ITPR2: variants seen among roughly 807,000 people sequenced by gnomAD.
The protein encoded by ITPR2 is inositol 1,4,5-trisphosphate receptor type 2.
In ITPR2, 207 loss-of-function variants were observed where a neutral mutation model predicts 317.1. The observed-to-expected ratio is 0.65, with a 90% CI of 0.58 to 0.73. ITPR2 has a LOEUF of 0.73. ITPR2 is among the 30% of genes least tolerant of loss of function. The pLI is 0.00. For synonymous variants in ITPR2, 1,156 were observed against 1,149.1 expected, an observed-to-expected ratio of 1.01 and a Z score of -0.12; for missense variants, 2,613 against 3,284.0, an observed-to-expected ratio of 0.80 and a Z score of 4.99.
At chr12:26,728,545 TG>T (rs576479487) in intron 2 of ITPR2, among the ~76,000 whole-genome samples, 265 of 152,264 alleles carry the variant, frequency 1.7e-3, no homozygotes, top group African/African-American at 5.9e-3. Context: ...GGAGAGAAGG[TG>T]GGGCACACAC....
intron 34 of ITPR2, among the ~76,000 whole-genome samples, chr12:26,568,031 T>TAA (rs1421568861): frequency 7.7e-6 from 1 of 129,916 alleles, no homozygotes; most frequent in African/African-American, 3.0e-5. Context: ...TATATATATA[T>TAA]AAAATGTCAA....
chr12:26,368,809 A>T (rs1339219163), intron 55 of ITPR2, among the ~76,000 whole-genome samples: 1 of 152,266 alleles, frequency 6.6e-6, no homozygotes, highest in Non-Finnish European at 1.5e-5. Flanking sequence ...TGAAAAAAAC[A>T]AAGTTGTTGC....
intron 34 of ITPR2, among the ~76,000 whole-genome samples, chr12:26,573,563 C>T (rs1309856734): frequency 6.6e-6 from 1 of 152,024 alleles, no homozygotes; most frequent in African/African-American, 2.4e-5. Flanking sequence ...TGATAAGGAG[C>T]AGGAAGAAGC....
At chr12:26,823,746 A>ATATAATAGCTAC (rs556877007) in intron 1 of ITPR2, among the ~76,000 whole-genome samples, 1,861 of 152,332 alleles carry the variant, frequency 0.012, 38 homozygotes, top group African/African-American at 0.043. Context: ...GGTATAAACT[A>ATATAATAGCTAC]TGGTAACCCA....
intron 15 of ITPR2, 32 bp downstream of exon 15, chr12:26,663,653 G>A (rs773352862): frequency 3.8e-6 from 6 of 1,572,844 alleles, no homozygotes; most frequent in Non-Finnish European, 5.2e-6. Context: ...CTTTACATAT[G>A]AAACAGTTTA....
chr12:26,358,594 A>G (rs528666901), intron 55 of ITPR2, among the ~76,000 whole-genome samples: 1 of 152,008 alleles, frequency 6.6e-6, no homozygotes, highest in Non-Finnish European at 1.5e-5. Flanking sequence ...ACTTATTCTC[A>G]TATGTTCTAC....
At chr12:26,686,905 G>A (rs1317650843) in intron 10 of ITPR2, among the ~76,000 whole-genome samples, 1 of 152,014 alleles carries the variant, frequency 6.6e-6, no homozygotes, top group Non-Finnish European at 1.5e-5. Context: ...CCCTTCCCTC[G>A]TTCTCTTAAA....
intron 55 of ITPR2, among the ~76,000 whole-genome samples, chr12:26,382,678 A>AC (rs36030472): frequency 0.075 from 11,289 of 150,566 alleles, 566 homozygotes; most frequent in South Asian, 0.13. Flanking sequence ...CACACACACA[A>AC]AAAAAAAGAA....
chr12:26,376,999 G>C lies in ITPR2; in HGVS notation c.7857+10435C>G, dbSNP rs9943757. 1.4e-3 allele frequency among the ~76,000 whole-genome samples: 216 copies of C among 152,250 alleles called. 1 individual carries two copies. The highest frequency in any genetic ancestry group is 4.9e-3 in the African/African-American group (205 of 41,532). On this transcript the variant is annotated intron_variant, in intron 55 of 56. Transcript: ENST00000381340. ...CTGTCCCAGCCTCCCAAAGTGCTGG[G>C]ATTACAGGCATGAGCCACCATGCCC... is the stretch of plus-strand genomic sequence containing the variant.
chr12:26,732,654 A>G (rs1949045770), intron 2 of ITPR2, among the ~76,000 whole-genome samples: 1 of 152,198 alleles, frequency 6.6e-6, no homozygotes, highest in Non-Finnish European at 1.5e-5. Context: ...TGAGGAATTG[A>G]GATGAAATAT....
rs1329426527 is a variant in ITPR2 at position 26,487,059 on chromosome 12, C to T, written c.5554+9G>A. 9.3e-6 allele frequency: 15 copies of T among 1,608,856 alleles called. No homozygotes were observed. The highest frequency in any genetic ancestry group is 1.2e-5 in the Non-Finnish European group (14 of 1,175,978). ...CTCTGTTCTCCCAAATACTCAAATA[C>T]TTCTTTACCTCTCATTCGTGGACCA... is the stretch of plus-strand genomic sequence containing the variant. On this transcript the variant is annotated intron_variant, in intron 40 of 56. Coordinates refer to ENST00000381340, the MANE Select transcript of ITPR2 (RefSeq NM_002223.4).
intron 41 of ITPR2, among the ~76,000 whole-genome samples, chr12:26,484,812 C>T (rs142013694): frequency 0.056 from 8,463 of 152,146 alleles, 354 homozygotes; most frequent in Non-Finnish European, 0.085. Context: ...CCCGGGTTCA[C>T]GCCATTCTCC....
At chr12:26,525,119 G>T (rs1943775899) in intron 37 of ITPR2, among the ~76,000 whole-genome samples, 1 of 152,140 alleles carries the variant, frequency 6.6e-6, no homozygotes, top group Admixed American at 6.5e-5. Flanking sequence ...CAGGGAAGAG[G>T]CAGGATAAAG....
chr12:26,446,594 A>T (rs1941613584), intron 45 of ITPR2, among the ~76,000 whole-genome samples: 1 of 152,060 alleles, frequency 6.6e-6, no homozygotes, highest in African/African-American at 2.4e-5. Flanking sequence ...AAACCTATAC[A>T]AATCATTTTC....
chr12:26,683,827 TTTG>T (rs1948080578), intron 11 of ITPR2, among the ~76,000 whole-genome samples: 1 of 152,238 alleles, frequency 6.6e-6, no homozygotes, highest in Admixed American at 6.5e-5. Flanking sequence ...TTTATAATCT[TTTG>T]TTATTTCTTT....
intron 55 of ITPR2, among the ~76,000 whole-genome samples, chr12:26,344,377 G>T (rs1264831075): frequency 6.6e-6 from 1 of 152,154 alleles, no homozygotes; most frequent in East Asian, 1.9e-4. Context: ...TGGGCTTGGG[G>T]TAAGAAGGTA....
At chr12:26,339,955 A>G (rs1411317495) in intron 56 of ITPR2, among the ~76,000 whole-genome samples, 1 of 152,134 alleles carries the variant, frequency 6.6e-6, no homozygotes, top group East Asian at 1.9e-4. Flanking sequence ...CCTTCCATAG[A>G]AGGAGAAGTG....
At chr12:26,569,616 T>A (rs1945104313) in intron 34 of ITPR2, among the ~76,000 whole-genome samples, 1 of 150,576 alleles carries the variant, frequency 6.6e-6, no homozygotes, top group Admixed American at 6.6e-5. Flanking sequence ...GGCAAAGAGA[T>A]CATTTTCTTA....
chr12:26,500,589 A>G (rs1943048747), intron 37 of ITPR2, among the ~76,000 whole-genome samples: 1 of 152,232 alleles, frequency 6.6e-6, no homozygotes, highest in South Asian at 2.1e-4. Context: ...AATGTAGCCA[A>G]GAAAACTAAC....
Sources: allele counts gnomAD v4.1 joint callset (sites outside exome capture counted in the v4.1 genomes callset), GRCh38; gene constraint gnomAD v4.1.1; transcripts MANE v1.5; gene names NCBI Gene and HGNC (gene_info 2026-07-23, HGNC 2026-07-21).